SNTG1: variants seen among roughly 807,000 people sequenced by gnomAD.
SNTG1 encodes the protein gamma-1-syntrophin.
SNTG1 carries 39 observed loss-of-function variants against 74.7 expected under a neutral mutation model. The ratio of observed to expected loss-of-function variants is 0.52; its 90% CI spans 0.40 to 0.68. The LOEUF (loss-of-function observed/expected upper bound fraction) is 0.68, where lower values mean the gene tolerates loss of function less well. Ranked by LOEUF, SNTG1 falls within the 30% of genes least tolerant of loss-of-function variation. The pLI, the probability that SNTG1 is intolerant of heterozygous loss-of-function variation, is 0.00. For missense variants in SNTG1, 685 were observed against 609.5 expected (o/e 1.12, Z -1.30); for synonymous variants, 254 against 217.1 (o/e 1.17, Z -1.49).
At chr8:50,080,027 A>T (rs529247755) in intron 1 of SNTG1, among the ~76,000 whole-genome samples, 57 of 152,270 alleles carry the variant, frequency 3.7e-4, no homozygotes, top group African/African-American at 1.3e-3. Flanking sequence ...TCTTGGCCAC[A>T]TGGGCTTGTT....
At chr8:50,053,545 T>C (rs1173963113) in intron 1 of SNTG1, among the ~76,000 whole-genome samples, 1 of 151,724 alleles carries the variant, frequency 6.6e-6, no homozygotes, top group Non-Finnish European at 1.5e-5. Flanking sequence ...AATTATAGAC[T>C]TCAAAAGTGA....
chr8:50,345,753 T>C (rs2091454253), intron 2 of SNTG1, among the ~76,000 whole-genome samples: 1 of 152,226 alleles, frequency 6.6e-6, no homozygotes, highest in Non-Finnish European at 1.5e-5. Context: ...CAGTGTTACA[T>C]TGTGATATTC....
At chr8:50,383,216 A>G (rs2131244383) in intron 2 of SNTG1, among the ~76,000 whole-genome samples, 1 of 152,272 alleles carries the variant, frequency 6.6e-6, no homozygotes, top group African/African-American at 2.4e-5. Flanking sequence ...AAAAACCATC[A>G]CAAAGTCATC....
intron 2 of SNTG1, among the ~76,000 whole-genome samples, chr8:50,316,595 T>G (rs2130785332): frequency 6.6e-6 from 1 of 152,248 alleles, no homozygotes; most frequent in Middle Eastern, 3.4e-3. Context: ...GATGGCAACC[T>G]TTTTATGACC....
At chr8:50,043,130 C>T (rs1040013782) in intron 1 of SNTG1, among the ~76,000 whole-genome samples, 5 of 152,082 alleles carry the variant, frequency 3.3e-5, no homozygotes, top group African/African-American at 1.2e-4. Context: ...TATGCACTTT[C>T]TCAAACTTTA....
At chr8:49,971,139 A>T (rs1013724388) in intron 1 of SNTG1, among the ~76,000 whole-genome samples, 2 of 152,136 alleles carry the variant, frequency 1.3e-5, no homozygotes, top group African/African-American at 4.8e-5. Context: ...TGGCAAACTG[A>T]ATCCAGCAGC....
rs1316752020 is a variant in SNTG1, at chr8:50,780,186, T to C, written c.1396-12485T>C. The stretch of plus-strand genomic sequence containing the variant: ...TCTCTTTTTTGGTTATGTCTCTGCC[T>C]GGCTTTGGTATCAGGATGATGCTGG... On this transcript the variant is annotated intron_variant, in intron 18 of 18. Coordinates refer to ENST00000642720, the MANE Select transcript of SNTG1 (RefSeq NM_018967.5). Among the ~76,000 whole-genome samples the C allele has an allele frequency of 2.0e-5, 3 of 152,278 alleles. No individual in the cohort carries two copies. In the East Asian group the frequency reaches 5.8e-4, roughly 29 times the overall value.
chr8:50,112,807 C>T (rs2080652796), intron 1 of SNTG1, among the ~76,000 whole-genome samples: 1 of 151,976 alleles, frequency 6.6e-6, no homozygotes, highest in South Asian at 2.1e-4. Flanking sequence ...CTGCATCTGG[C>T]CCAAATATTT....
At chr8:50,701,796 C>T (rs888731001) in intron 15 of SNTG1, among the ~76,000 whole-genome samples, 14 of 147,620 alleles carry the variant, frequency 9.5e-5, no homozygotes, top group Non-Finnish European at 1.8e-4. Context: ...TCCTCCTCCT[C>T]CTCCTCTTCT....
chr8:50,399,965 A>G (rs553919246), intron 3 of SNTG1, among the ~76,000 whole-genome samples: 1 of 152,370 alleles, frequency 6.6e-6, no homozygotes, highest in South Asian at 2.1e-4. Context: ...CCTAAAAAAG[A>G]CATCATACCT....
At chr8:50,582,918 A>G (rs973927606) in intron 12 of SNTG1, among the ~76,000 whole-genome samples, 2 of 152,198 alleles carry the variant, frequency 1.3e-5, no homozygotes, top group African/African-American at 4.8e-5. Flanking sequence ...TTTTCTAGAA[A>G]TCAAAGATAA....
chr8:50,253,071 C>A (rs116411739), intron 2 of SNTG1, among the ~76,000 whole-genome samples: 3 of 151,914 alleles, frequency 2.0e-5, no homozygotes, highest in African/African-American at 4.8e-5. Context: ...ATTTACACAC[C>A]GTTGGTGGGA....
chr8:50,387,497 T>C (rs889604211), intron 2 of SNTG1, among the ~76,000 whole-genome samples: 5 of 151,750 alleles, frequency 3.3e-5, no homozygotes, highest in Non-Finnish European at 7.4e-5. Context: ...TATAAGTCAT[T>C]TTTTTTTGGT....
At chr8:49,929,113 A>G (rs1442335473) in intron 1 of SNTG1, among the ~76,000 whole-genome samples, 3 of 152,208 alleles carry the variant, frequency 2.0e-5, no homozygotes, top group Non-Finnish European at 2.9e-5. Context: ...GACTTAAATA[A>G]CTAATAAAGA....
chr8:50,115,577 A>AAC (rs1554580687), intron 1 of SNTG1, among the ~76,000 whole-genome samples: 2 of 112,854 alleles, frequency 1.8e-5, no homozygotes, highest in Non-Finnish European at 4.1e-5. Context: ...CAAAAAAAAA[A>AAC]AAAAAAAAAA....
intron 17 of SNTG1, among the ~76,000 whole-genome samples, chr8:50,741,235 C>A (rs1387556441): frequency 6.6e-6 from 1 of 152,024 alleles, no homozygotes; most frequent in Non-Finnish European, 1.5e-5. Flanking sequence ...AGCAATTCTT[C>A]TTCCTCAGCC....
Position 50,543,475 on chromosome 8 carries a change from C to T in SNTG1, c.680+6667C>T, listed in dbSNP as rs368821392. On this transcript the variant is annotated intron_variant, in intron 11 of 18. Coordinates refer to ENST00000642720, the MANE Select transcript of SNTG1 (RefSeq NM_018967.5). ...GTTGTTGTTGTTGCTGTTGTTTCCT[C>T]CCACAGGATAATTTCCTGGAGATTC... Among the ~76,000 whole-genome samples the T allele has an allele frequency of 2.5e-3, 386 of 152,098 alleles. 4 individuals are homozygous for T. In the South Asian group the frequency reaches 0.03, roughly 12 times the overall value.
intron 18 of SNTG1, among the ~76,000 whole-genome samples, chr8:50,758,096 G>A (rs1023793979): frequency 6.6e-6 from 1 of 151,556 alleles, no homozygotes; most frequent in Non-Finnish European, 1.5e-5. Context: ...CATTTCATTT[G>A]TTTCTCTTTT....
chr8:50,143,677 C>A (rs1035036596), intron 1 of SNTG1, among the ~76,000 whole-genome samples: 1 of 152,084 alleles, frequency 6.6e-6, no homozygotes, highest in Non-Finnish European at 1.5e-5. Flanking sequence ...TAGAAAGAAC[C>A]AATATGTTAC....
Sources: allele counts gnomAD v4.1 joint callset (sites outside exome capture counted in the v4.1 genomes callset), GRCh38; gene constraint gnomAD v4.1.1; transcripts MANE v1.5; gene names NCBI Gene and HGNC (gene_info 2026-07-23, HGNC 2026-07-21).